The following NIPAL2 variants were observed in gnomAD, a reference collection of about 807,000 sequenced individuals.
NIPAL2 encodes the protein NIPA-like protein 2.
Under a neutral mutation model 48.9 loss-of-function variants are expected in NIPAL2, and 43 were observed. The observed-to-expected ratio is 0.88, with a 90% CI of 0.69 to 1.13. NIPAL2 has a LOEUF of 1.13. NIPAL2 is among the 50% of genes most tolerant of loss of function. The pLI is 0.00. For missense variants in NIPAL2, 446 were observed against 461.4 expected, an observed-to-expected ratio of 0.97 and a Z score of 0.31; for synonymous variants, 167 against 174.6, an observed-to-expected ratio of 0.96 and a Z score of 0.34.
At chr8:98,263,980 G>A (rs1189319497) in intron 1 of NIPAL2, among the ~76,000 whole-genome samples, 10 of 139,236 alleles carry the variant, frequency 7.2e-5, no homozygotes, top group South Asian at 2.4e-4. Flanking sequence ...TTCAATATAC[G>A]CAAATCAATA....
At chr8:98,293,836 G>A (rs1026999829) in intron 1 of NIPAL2, among the ~76,000 whole-genome samples, 167 bp downstream of exon 1, 4 of 152,176 alleles carry the variant, frequency 2.6e-5, no homozygotes, top group Admixed American at 1.3e-4. Flanking sequence ...CGGATGAGGC[G>A]GACTTAGGTC....
In NIPAL2 at chr8:98,191,919, C is replaced by T. The variant is rs1475333328; in HGVS notation, c.*1059G>A. On this transcript the variant is annotated 3_prime_UTR_variant, in exon 11 of 11. Coordinates refer to ENST00000430223, the MANE Select transcript of NIPAL2 (RefSeq NM_001321635.2). ...AGGTTTAAATGGCTGAAATTCAGTT[C>T]TCTAATCACAACTCTCCTTTTATCT... The T allele has an allele frequency of 6.6e-6, 1 of 152,146 alleles. No individual in the cohort carries two copies. The highest frequency in any genetic ancestry group is 1.5e-5 in the Non-Finnish European group (1 of 68,024). 9.4% of individuals were successfully genotyped at this position (152,146 alleles called of 1,614,324 possible).
intron 1 of NIPAL2, among the ~76,000 whole-genome samples, chr8:98,268,001 C>T (rs1050740992): frequency 3.9e-5 from 6 of 152,126 alleles, no homozygotes; most frequent in East Asian, 1.9e-4. Flanking sequence ...TTCTTCAGTC[C>T]GAGTCTAGTT....
chr8:98,276,140 T>TTTTCA (rs1320870892), intron 1 of NIPAL2, among the ~76,000 whole-genome samples: 1 of 152,150 alleles, frequency 6.6e-6, no homozygotes, highest in Non-Finnish European at 1.5e-5. Context: ...CACTGTTAGT[T>TTTTCA]TTTCATGCTC....
intron 1 of NIPAL2, among the ~76,000 whole-genome samples, chr8:98,272,636 A>G (rs1815205931): frequency 6.8e-6 from 1 of 147,642 alleles, no homozygotes; most frequent in African/African-American, 2.5e-5. Flanking sequence ...TTTTTTTGAG[A>G]CAGAGTCTCA....
intron 1 of NIPAL2, among the ~76,000 whole-genome samples, chr8:98,293,136 A>T (rs932449621): frequency 1.3e-5 from 2 of 152,268 alleles, no homozygotes; most frequent in Admixed American, 6.5e-5. Flanking sequence ...CCGATTTAGG[A>T]CAACAGCAAC....
At chr8:98,286,832 AAAC>A (rs1400563698) in intron 1 of NIPAL2, among the ~76,000 whole-genome samples, 3,933 of 142,320 alleles carry the variant, frequency 0.028, 194 homozygotes, top group African/African-American at 0.11. Context: ...AAAAAAAAAA[AAAC>A]CAAAAACAAA....
chr8:98,206,824 C>T (rs1811068803), intron 6 of NIPAL2, among the ~76,000 whole-genome samples: 1 of 150,576 alleles, frequency 6.6e-6, no homozygotes, highest in Non-Finnish European at 1.5e-5. Flanking sequence ...CAGAGGAGAT[C>T]AGGTGATAAA....
intron 1 of NIPAL2, among the ~76,000 whole-genome samples, chr8:98,275,573 A>G (rs1815412146): frequency 6.6e-6 from 1 of 152,196 alleles, no homozygotes; most frequent in African/African-American, 2.4e-5. Flanking sequence ...TTCGTGTACA[A>G]ATTCTACATG....
chr8:98,257,636 TC>T (rs1182161511), intron 1 of NIPAL2, among the ~76,000 whole-genome samples: 2 of 152,126 alleles, frequency 1.3e-5, no homozygotes, highest in African/African-American at 2.4e-5. Context: ...AGAATCTCCA[TC>T]CTTTTCCAGG....
At chr8:98,203,502 T>A (rs1220790724) in intron 7 of NIPAL2, among the ~76,000 whole-genome samples, 1 of 152,200 alleles carries the variant, frequency 6.6e-6, no homozygotes, top group Non-Finnish European at 1.5e-5. Context: ...CTGGGCCTGA[T>A]TCATTAGGAT....
chr8:98,265,278 A>G (rs1469897669), intron 1 of NIPAL2, among the ~76,000 whole-genome samples: 1 of 151,688 alleles, frequency 6.6e-6, no homozygotes, highest in East Asian at 1.9e-4. Context: ...AAAATTGACA[A>G]ATAGGATCTA....
chr8:98,209,737 G>A (rs1482149717), intron 6 of NIPAL2, among the ~76,000 whole-genome samples: 2 of 150,378 alleles, frequency 1.3e-5, no homozygotes, highest in Non-Finnish European at 3.0e-5. Context: ...AGTGTTTTTT[G>A]TTTGTCCTAT....
intron 1 of NIPAL2, among the ~76,000 whole-genome samples, chr8:98,261,657 G>A (rs1365756166): frequency 1.5e-5 from 2 of 130,180 alleles, no homozygotes; most frequent in Non-Finnish European, 3.2e-5. Flanking sequence ...TCTGATTGGT[G>A]TACCTGAAAG....
intron 2 of NIPAL2, 69 bp from the exon 3 acceptor site, chr8:98,252,703 T>A: frequency 4.5e-6 from 6 of 1,326,400 alleles, no homozygotes; most frequent in Non-Finnish European, 6.2e-6. Context: ...TTTTTTTCTT[T>A]TGTATTCCTT....
At chr8:98,281,540 C>CT (rs1345082619) in intron 1 of NIPAL2, among the ~76,000 whole-genome samples, 14 of 152,188 alleles carry the variant, frequency 9.2e-5, no homozygotes, top group Middle Eastern at 3.4e-3. Flanking sequence ...GATGGATTCC[C>CT]CATTCTCCAT....
intron 1 of NIPAL2, among the ~76,000 whole-genome samples, chr8:98,266,205 T>C (rs1353671161): frequency 1.3e-5 from 2 of 149,468 alleles, no homozygotes; most frequent in Non-Finnish European, 3.0e-5. Flanking sequence ...GTGGGTGCAG[T>C]GCACCAGCAT....
At chr8:98,254,136 G>A in intron 1 of NIPAL2, 49 bp from the exon 2 acceptor site, 1 of 1,484,904 alleles carries the variant, frequency 6.7e-7, no homozygotes, top group Non-Finnish European at 9.3e-7. Flanking sequence ...GATATTTACT[G>A]GAAGAAAAAA....
chr8:98,250,426 A>C (rs1002449687), intron 3 of NIPAL2, among the ~76,000 whole-genome samples: 1 of 152,158 alleles, frequency 6.6e-6, no homozygotes, highest in Non-Finnish European at 1.5e-5. Context: ...TTCTAGGGAA[A>C]ATCCTCCATC....
Sources: gnomAD v4.1 joint callset for allele counts (sites outside exome capture counted in the v4.1 genomes callset) on GRCh38, gnomAD v4.1.1 for gene constraint, MANE v1.5 for transcripts, NCBI Gene and HGNC (gene_info 2026-07-23, HGNC 2026-07-21) for gene names.